FHOD3: variants seen among roughly 807,000 people sequenced by gnomAD.
FHOD3 encodes the protein formin homology 2 domain containing 3.
In FHOD3, 90 loss-of-function variants were observed where a neutral mutation model predicts 173.0. The observed-to-expected ratio is 0.52, with a 90% CI of 0.44 to 0.62. FHOD3 has a LOEUF of 0.62. Among genes scored for constraint, FHOD3 ranks in the 20% least tolerant of loss-of-function variants. The pLI is 0.00. For missense variants in FHOD3, 1,945 were observed against 2,034.7 expected (o/e 0.96, Z 0.85); for synonymous variants, 828 against 823.0 (o/e 1.01, Z -0.10).
rs531294149 is a variant in FHOD3, at chr18:36,601,886, G to A, written c.719-788G>A. Reference sequence around the variant, plus strand: ...GCTTAGTGGTCCTGAATGTGAATGCGGAGTATCTCCTGTCCCTCCTAGATC... The same window carrying A: ...GCTTAGTGGTCCTGAATGTGAATGCAGAGTATCTCCTGTCCCTCCTAGATC... On this transcript the variant is annotated intron_variant, in intron 7 of 28. Coordinates refer to ENST00000590592, the MANE Select transcript of FHOD3 (RefSeq NM_001281740.3). Among the ~76,000 whole-genome samples the A allele has an allele frequency of 9.9e-5, 15 of 152,216 alleles. 1 individual carries two copies. Among genetic ancestry groups the A allele is most frequent in the South Asian group, 6.2e-4 (3 of 4,822 alleles).
chr18:36,735,826 A>AC (rs2041602214), intron 20 of FHOD3, among the ~76,000 whole-genome samples: 1 of 152,222 alleles, frequency 6.6e-6, no homozygotes, highest in Non-Finnish European at 1.5e-5. Flanking sequence ...TTTAAAACTC[A>AC]CAGGGCAAAA....
At chr18:36,636,534 A>C (rs2034895663) in intron 10 of FHOD3, among the ~76,000 whole-genome samples, 1 of 152,174 alleles carries the variant, frequency 6.6e-6, no homozygotes, top group African/African-American at 2.4e-5. Context: ...GATCGTCCCG[A>C]GAGAGCATAC....
At chr18:36,628,622 T>C (rs1282716366) in intron 10 of FHOD3, among the ~76,000 whole-genome samples, 1 of 152,224 alleles carries the variant, frequency 6.6e-6, no homozygotes, top group African/African-American at 2.4e-5. Context: ...TTATTGGTCA[T>C]TGGTCAACTA....
At chr18:36,542,548 A>G (rs774568608) in intron 5 of FHOD3, among the ~76,000 whole-genome samples, 8 of 152,216 alleles carry the variant, frequency 5.3e-5, no homozygotes, top group Non-Finnish European at 8.8e-5. Context: ...TGCTAAATAT[A>G]TAGGGTATTC....
At position 36,321,328 on chromosome 18, in the gene FHOD3, G is replaced by T. The variant is rs528759977; in HGVS notation, c.165+23328G>T. Among the ~76,000 whole-genome samples the T allele has an allele frequency of 9.1e-4, 139 of 152,022 alleles. 3 individuals are homozygous for T. The South Asian group carries it at 0.026, about 28-fold the overall frequency. On this transcript the variant is annotated intron_variant, in intron 1 of 28. Transcript: ENST00000590592. The stretch of plus-strand genomic sequence containing the variant: ...GCTCCCATGTGTGGGCTATAGGAAG[G>T]TGGTCAGGTAAATAATGAGATGGGG...
intron 1 of FHOD3, among the ~76,000 whole-genome samples, chr18:36,335,943 A>G (rs1428647397): frequency 1.3e-5 from 2 of 152,214 alleles, no homozygotes; most frequent in Non-Finnish European, 2.9e-5. Flanking sequence ...ACTCATGCAC[A>G]TGACGGCACG....
intron 1 of FHOD3, among the ~76,000 whole-genome samples, chr18:36,340,376 G>A (rs1211381436): frequency 6.6e-6 from 1 of 152,190 alleles, no homozygotes; most frequent in Non-Finnish European, 1.5e-5. Context: ...CTCTGTGAAT[G>A]TTTGCAGAAG....
At chr18:36,757,501 C>G (rs1240872662) in intron 25 of FHOD3, among the ~76,000 whole-genome samples, 1 of 152,214 alleles carries the variant, frequency 6.6e-6, no homozygotes, top group East Asian at 1.9e-4. Flanking sequence ...ACTTAAACCA[C>G]TGAAAACAAA....
At position 36,718,461 on chromosome 18, in the gene FHOD3, G is replaced by A. The variant is rs2040585700; in HGVS notation, c.3163G>A (p.Val1055Ile). The change falls in exon 19 of 29, where the codon GTT becomes ATT. Residue 1055 changes from valine to isoleucine, a missense_variant. This residue lies in a region of FHOD3 where 1,099 missense variants were observed against 1,051.2 expected (regional missense o/e 1.05). Transcript: ENST00000590592. ...CCCTCCTGTCCCTGGTAATTTATTG[G>A]TTCCTCCTCCTCCAGTGTTCAACGC... The part of the protein sequence containing the change: ...PPPPVPGNLL[V>I]PPPPVFNAPQ... 2 of 1,593,248 alleles carry A rather than the reference G, an allele frequency of 1.3e-6. No individual in the cohort carries two copies.
intron 3 of FHOD3, among the ~76,000 whole-genome samples, chr18:36,485,270 T>C (rs1466372786): frequency 6.6e-6 from 1 of 152,176 alleles, no homozygotes; most frequent in Non-Finnish European, 1.5e-5. Flanking sequence ...GTGATCATGG[T>C]GTTAGAATGG....
chr18:36,530,493 G>T (rs1161095691), intron 5 of FHOD3, among the ~76,000 whole-genome samples: 1 of 152,216 alleles, frequency 6.6e-6, no homozygotes, highest in African/African-American at 2.4e-5. Flanking sequence ...ATTGTTGAGA[G>T]AATGAGTGAG....
intron 3 of FHOD3, among the ~76,000 whole-genome samples, chr18:36,450,737 G>A (rs902163300): frequency 6.6e-5 from 10 of 151,932 alleles, no homozygotes; most frequent in African/African-American, 1.7e-4. Context: ...AGGCTGCAGC[G>A]AACTATGATT....
chr18:36,367,625 CCT>C (rs1266984402), intron 2 of FHOD3, among the ~76,000 whole-genome samples: 37 of 152,084 alleles, frequency 2.4e-4, no homozygotes, highest in Admixed American at 2.4e-3. Context: ...ATACTGACAG[CCT>C]CTCTTTGGTA....
At chr18:36,509,551 G>A (rs1489236569) in intron 4 of FHOD3, among the ~76,000 whole-genome samples, 1 of 152,040 alleles carries the variant, frequency 6.6e-6, no homozygotes, top group African/African-American at 2.4e-5. Context: ...TTTAAGAAGA[G>A]TTCCTGTAGT....
At chr18:36,706,151 G>A (rs1022871114) in intron 17 of FHOD3, among the ~76,000 whole-genome samples, 20 of 152,166 alleles carry the variant, frequency 1.3e-4, no homozygotes, top group African/African-American at 7.2e-5. Context: ...GGACCACGCT[G>A]GGGCCCTCCA....
At chr18:36,387,663 C>T (rs1057154147) in intron 3 of FHOD3, among the ~76,000 whole-genome samples, 3 of 152,214 alleles carry the variant, frequency 2.0e-5, no homozygotes, top group African/African-American at 4.8e-5. Flanking sequence ...AAGTTTCCCA[C>T]TTTCCCTGAG....
intron 3 of FHOD3, among the ~76,000 whole-genome samples, chr18:36,401,013 G>C (rs186485638): frequency 2.0e-5 from 3 of 152,174 alleles, no homozygotes; most frequent in Non-Finnish European, 4.4e-5. Context: ...CTGGAGGGAG[G>C]GGTGGATCAC....
Position 36,576,323 on chromosome 18 carries a change from TCTC to T in FHOD3, c.512-124_512-122del, listed in dbSNP as rs554326589. 726 of 542,406 alleles carry T rather than the reference TCTC, an allele frequency of 1.3e-3. 8 individuals are homozygous for T. The highest frequency in any genetic ancestry group is 0.012 in the African/African-American group (634 of 50,728). The allele number at this position is 542,406 out of a possible 1,614,324, so 33.6% of individuals were successfully genotyped here. ...TTAGTTAATTTCAGAGCTCAGGAAT[TCTC>T]CTCAGATTTGATTCTTAACATACTG... On this transcript the variant is annotated intron_variant, in intron 5 of 28. Transcript: ENST00000590592.
chr18:36,317,795 T>C (rs2044201118), intron 1 of FHOD3, among the ~76,000 whole-genome samples: 1 of 152,220 alleles, frequency 6.6e-6, no homozygotes. Context: ...TCATGAAGTC[T>C]TTGCCCATAC....
Sources: allele counts gnomAD v4.1 joint callset (sites outside exome capture counted in the v4.1 genomes callset), GRCh38; gene constraint gnomAD v4.1.1; regional missense constraint gnomAD v4.1.1; transcripts MANE v1.5; gene names NCBI Gene and HGNC (gene_info 2026-07-23, HGNC 2026-07-21).